Variants in SLC38A11 observed in about 807,000 individuals in gnomAD.
SLC38A11 encodes the protein solute carrier family 38 member 11.
SLC38A11 carries 51 observed loss-of-function variants against 49.4 expected under a neutral mutation model. The ratio of observed to expected loss-of-function variants is 1.03; its 90% CI spans 0.83 to 1.30. The LOEUF (loss-of-function observed/expected upper bound fraction) is 1.30. Among genes scored for constraint, SLC38A11 ranks in the 50% most tolerant of loss-of-function variants. SLC38A11 has a pLI of 0.00. For missense variants in SLC38A11, 574 were observed against 556.2 expected, an observed-to-expected ratio of 1.03 and a Z score of -0.32; for synonymous variants, 203 against 192.9, an observed-to-expected ratio of 1.05 and a Z score of -0.43.
At chr2:164,954,506 GA>G (rs1226808579) in intron 2 of SLC38A11, 124 bp downstream of exon 2, 4 of 495,074 alleles carry the variant, frequency 8.1e-6, no homozygotes, top group African/African-American at 7.8e-5. Flanking sequence ...TTTTATGGAA[GA>G]AAATTACCAA....
chr2:164,938,205 A>G (rs1687508416), intron 6 of SLC38A11, among the ~76,000 whole-genome samples: 1 of 152,120 alleles, frequency 6.6e-6, no homozygotes, highest in African/African-American at 2.4e-5. Flanking sequence ...CTAAGTTGTT[A>G]ATTTTTAACT....
chr2:164,944,432 T>C, intron 5 of SLC38A11, 137 bp downstream of exon 5: 1 of 363,858 alleles, frequency 2.7e-6, no homozygotes, highest in African/African-American at 2.1e-5. Flanking sequence ...GAATGGATCA[T>C]GGATATTGTG....
intron 11 of SLC38A11, among the ~76,000 whole-genome samples, chr2:164,906,478 G>A (rs1404898368): frequency 6.6e-6 from 1 of 152,156 alleles, no homozygotes; most frequent in Non-Finnish European, 1.5e-5. Context: ...CTATGGAGGA[G>A]GGAGGAGGTG....
intron 11 of SLC38A11, among the ~76,000 whole-genome samples, chr2:164,907,005 TG>T (rs1271364743): frequency 1.3e-5 from 2 of 152,180 alleles, no homozygotes; most frequent in Non-Finnish European, 2.9e-5. Flanking sequence ...GCCCTCCCTG[TG>T]GTGCATGACC....
At chr2:164,903,919 G>A (rs1025606398) in intron 11 of SLC38A11, among the ~76,000 whole-genome samples, 9 of 152,066 alleles carry the variant, frequency 5.9e-5, no homozygotes, top group African/African-American at 2.2e-4. Flanking sequence ...AATGATGCAA[G>A]GAAGCTGGAA....
intron 11 of SLC38A11, among the ~76,000 whole-genome samples, chr2:164,899,710 T>G (rs1424950086): frequency 1.3e-5 from 2 of 152,144 alleles, no homozygotes; most frequent in Non-Finnish European, 2.9e-5. Context: ...TATAACCTGA[T>G]GTCATAGAAT....
chr2:164,912,293 C>CTTATTA (rs1685457751), intron 9 of SLC38A11: 1 of 151,992 alleles, frequency 6.6e-6, no homozygotes. Context: ...TAGTTTTTCT[C>CTTATTA]TTATTATTTG....
chr2:164,898,578 A>G lies in SLC38A11; in HGVS notation c.1248T>C (p.Ala416=). The change falls in exon 12 of 12, where the codon GCT becomes GCC. Residue 416 remains alanine (A), a synonymous_variant. Coordinates refer to ENST00000685975, the MANE Select transcript of SLC38A11 (RefSeq NM_001351537.2). The part of the protein sequence containing the change: ...AVVMVFGFVM[A]ITNTQDCTHG... ...GGGTGCAGTCTTGAGTATTTGTAAT[A>G]GCCATGACGAATCCAAAAACCATCA... 1.9e-6 allele frequency: 3 copies of G among 1,613,658 alleles called. No individual in the cohort carries two copies. Among genetic ancestry groups the G allele is most frequent in the Non-Finnish European group, 2.5e-6 (3 of 1,179,758 alleles).
chr2:164,909,402 G>A (rs1685244387), intron 10 of SLC38A11, among the ~76,000 whole-genome samples: 2 of 151,868 alleles, frequency 1.3e-5, no homozygotes, highest in South Asian at 4.2e-4. Flanking sequence ...AAATGTCAGG[G>A]AAATGATTCC....
At chr2:164,913,763 A>G (rs1685570188) in intron 9 of SLC38A11, among the ~76,000 whole-genome samples, 1 of 152,072 alleles carries the variant, frequency 6.6e-6, no homozygotes, top group African/African-American at 2.4e-5. Flanking sequence ...AGCAATAGTG[A>G]TACATAGAAA....
chr2:164,939,854 T>C (rs1156563738), intron 5 of SLC38A11, among the ~76,000 whole-genome samples: 1 of 152,004 alleles, frequency 6.6e-6, no homozygotes. Flanking sequence ...TTTGTCTTCT[T>C]AGAGTACACT....
chr2:164,931,745 T>C (rs1573961988), intron 7 of SLC38A11, among the ~76,000 whole-genome samples: 1 of 152,138 alleles, frequency 6.6e-6, no homozygotes, highest in South Asian at 2.1e-4. Flanking sequence ...ACTGGACCCC[T>C]TCCTTACACC....
chr2:164,911,595 G>T, intron 10 of SLC38A11, 41 bp downstream of exon 10: 1 of 971,906 alleles, frequency 1.0e-6, no homozygotes, highest in Non-Finnish European at 1.5e-6. Context: ...ATGTGGCAGA[G>T]AGATCACCTG....
intron 5 of SLC38A11, among the ~76,000 whole-genome samples, chr2:164,943,439 T>C (rs11902500): frequency 0.069 from 10,469 of 152,196 alleles, 397 homozygotes; most frequent in Admixed American, 0.1. Context: ...ACTGATATAT[T>C]GAAAGACACA....
At chr2:164,922,955 A>G (rs1686314375) in intron 7 of SLC38A11, among the ~76,000 whole-genome samples, 1 of 152,212 alleles carries the variant, frequency 6.6e-6, no homozygotes, top group South Asian at 2.1e-4. Context: ...GACAAAGTCG[A>G]CAAAAATAAG....
chr2:164,896,140 T>C lies in SLC38A11; in HGVS notation c.*2297A>G, dbSNP rs1341117623. The C allele has an allele frequency of 6.6e-6, 1 of 152,172 alleles. No homozygotes were observed. Among genetic ancestry groups the C allele is most frequent in the Non-Finnish European group, 1.5e-5 (1 of 68,032 alleles). 9.4% of individuals were successfully genotyped at this position (152,172 alleles called of 1,614,324 possible). On this transcript the variant is annotated 3_prime_UTR_variant, in exon 12 of 12. Transcript: ENST00000685975. ...TTGAGGGGTGGGGTTCTTGCAGTTATGCATGGTGGCAAAATAAGCATACAA... is the reference window on the plus strand; with the variant it reads ...TTGAGGGGTGGGGTTCTTGCAGTTACGCATGGTGGCAAAATAAGCATACAA...
chr2:164,933,124 C>T (rs1170730172), intron 7 of SLC38A11, among the ~76,000 whole-genome samples: 1 of 151,884 alleles, frequency 6.6e-6, no homozygotes, highest in East Asian at 1.9e-4. Context: ...GAATACCACA[C>T]GATTAAAATG....
At chr2:164,940,258 C>A (rs947842850) in intron 5 of SLC38A11, among the ~76,000 whole-genome samples, 1 of 137,310 alleles carries the variant, frequency 7.3e-6, no homozygotes, top group African/African-American at 2.7e-5. Context: ...ATATATATAT[C>A]ACATATATAA....
rs149463085 is a variant in SLC38A11 at position 164,931,065 on chromosome 2, C to G, written c.617+6285G>C. On this transcript the variant is annotated intron_variant, in intron 7 of 11. Coordinates refer to ENST00000685975, the MANE Select transcript of SLC38A11 (RefSeq NM_001351537.2). ...ACAACTTCAGCAAAGCTTCAGGATA[C>G]AAAATCAATGTATAAAAATCACTAG... 5.9e-5 allele frequency among the ~76,000 whole-genome samples: 9 copies of G among 151,898 alleles called. No homozygotes were observed. In the East Asian group the frequency reaches 1.7e-3, roughly 29 times the overall value.
Sources: gnomAD v4.1 joint callset for allele counts (sites outside exome capture counted in the v4.1 genomes callset) on GRCh38, gnomAD v4.1.1 for gene constraint, MANE v1.5 for transcripts, NCBI Gene and HGNC (gene_info 2026-07-23, HGNC 2026-07-21) for gene names.